Variants in KSR2 observed in about 807,000 individuals in gnomAD.
KSR2 encodes kinase suppressor of ras 2.
Under a neutral mutation model 107.8 loss-of-function variants are expected in KSR2, and 25 were observed. The ratio of observed to expected loss-of-function variants is 0.23; its 90% CI spans 0.17 to 0.32. The LOEUF is 0.32. KSR2 is among the 10% of genes least tolerant of loss of function. The pLI is 1.00. For missense variants in KSR2, 887 were observed against 1,268.9 expected, an observed-to-expected ratio of 0.70 and a Z score of 4.57; for synonymous variants, 480 against 507.0, an observed-to-expected ratio of 0.95 and a Z score of 0.71.
intron 17 of KSR2, among the ~76,000 whole-genome samples, chr12:117,476,251 G>T (rs1427991313): frequency 6.6e-6 from 1 of 152,162 alleles, no homozygotes; most frequent in African/African-American, 2.4e-5. Context: ...ACTTGTTAAG[G>T]CCACATAATC....
chr12:117,546,795 T>C (rs1565894339), intron 9 of KSR2, among the ~76,000 whole-genome samples: 3 of 152,240 alleles, frequency 2.0e-5, no homozygotes, highest in Non-Finnish European at 4.4e-5. Context: ...TATTTTCTAA[T>C]TGTATGTTCT....
At chr12:117,789,104 G>C (rs1890174492) in intron 3 of KSR2, among the ~76,000 whole-genome samples, 1 of 152,176 alleles carries the variant, frequency 6.6e-6, no homozygotes, top group Non-Finnish European at 1.5e-5. Context: ...TCTAGACTTG[G>C]AGATTAAGAA....
At chr12:117,478,797 A>G (rs1183884675) in intron 16 of KSR2, among the ~76,000 whole-genome samples, 1 of 152,192 alleles carries the variant, frequency 6.6e-6, no homozygotes, top group South Asian at 2.1e-4. Context: ...ACATAGCCAC[A>G]TCTGGCTAGT....
intron 4 of KSR2, among the ~76,000 whole-genome samples, chr12:117,709,506 C>T (rs567485304): frequency 3.9e-5 from 6 of 152,014 alleles, no homozygotes; most frequent in Non-Finnish European, 8.8e-5. Flanking sequence ...TTACTTTTTG[C>T]AGAGACAGGG....
chr12:117,760,136 C>T (rs193001811), intron 4 of KSR2, among the ~76,000 whole-genome samples: 5 of 152,276 alleles, frequency 3.3e-5, no homozygotes, highest in African/African-American at 4.8e-5. Context: ...CCTTTTTAAG[C>T]CTGAATAATA....
intron 3 of KSR2, among the ~76,000 whole-genome samples, chr12:117,793,015 C>T (rs192499625): frequency 1.4e-5 from 2 of 139,358 alleles, no homozygotes; most frequent in Non-Finnish European, 1.5e-5. Context: ...ACCAACAGTA[C>T]GCACTCTCAC....
intron 5 of KSR2, among the ~76,000 whole-genome samples, chr12:117,639,541 G>A (rs1000776815): frequency 2.7e-5 from 4 of 150,696 alleles, no homozygotes; most frequent in Admixed American, 2.6e-4. Context: ...TGTTGGCAAA[G>A]TTGGTCTCAA....
rs532920237 is a variant in KSR2, at chr12:117,644,679, G to A, written c.1171+22795C>T. Among the ~76,000 whole-genome samples the A allele has an allele frequency of 1.6e-4, 25 of 152,182 alleles. No individual in the cohort carries two copies. In the South Asian group the frequency reaches 5.2e-3, roughly 32 times the overall value. On this transcript the variant is annotated intron_variant, in intron 5 of 19. Coordinates refer to ENST00000339824, the MANE Select transcript of KSR2 (RefSeq NM_173598.6). ...AGCAGAAAGCCCATGGTGAAAGTGG[G>A]GAAAAGAGGGATTCCTGACACTCTC...
chr12:117,593,968 C>T (rs930719385), intron 5 of KSR2, among the ~76,000 whole-genome samples: 1 of 152,182 alleles, frequency 6.6e-6, no homozygotes, highest in Non-Finnish European at 1.5e-5. Context: ...AGAGCGTGTC[C>T]ACAGCACTTG....
chr12:117,485,743 G>A, intron 14 of KSR2, 52 bp from the exon 15 acceptor site: 1 of 1,252,494 alleles, frequency 8.0e-7, no homozygotes, highest in Non-Finnish European at 1.2e-6. Flanking sequence ...AGAAGAAGGT[G>A]ACCCACAACA....
chr12:117,792,935 T>C (rs978370877), intron 3 of KSR2, among the ~76,000 whole-genome samples: 3 of 144,758 alleles, frequency 2.1e-5, no homozygotes, highest in Admixed American at 6.9e-5. Flanking sequence ...CACACCAACA[T>C]GCACACACGC....
intron 3 of KSR2, among the ~76,000 whole-genome samples, chr12:117,801,765 G>T (rs1890839856): frequency 6.6e-6 from 1 of 152,072 alleles, no homozygotes; most frequent in Non-Finnish European, 1.5e-5. Context: ...CATGAGATTT[G>T]GGCAGGGACA....
At chr12:117,774,538 G>T (rs1490007282) in intron 3 of KSR2, among the ~76,000 whole-genome samples, 1 of 152,164 alleles carries the variant, frequency 6.6e-6, no homozygotes, top group Non-Finnish European at 1.5e-5. Context: ...ACCCCGTAAT[G>T]CCTCCCACGT....
chr12:117,832,458 C>T (rs1892013001), intron 3 of KSR2, among the ~76,000 whole-genome samples: 1 of 152,226 alleles, frequency 6.6e-6, no homozygotes, highest in African/African-American at 2.4e-5. Flanking sequence ...TAGCAATTGA[C>T]ATTTGTTGAG....
At chr12:117,561,436 G>GTAGCAAT (rs1294301067) in intron 7 of KSR2, among the ~76,000 whole-genome samples, 1 of 152,206 alleles carries the variant, frequency 6.6e-6, no homozygotes, top group Non-Finnish European at 1.5e-5. Flanking sequence ...GCCCTAAGAA[G>GTAGCAAT]TAGCAATTAT....
chr12:117,710,797 C>T (rs1487026282), intron 4 of KSR2, among the ~76,000 whole-genome samples: 7 of 152,034 alleles, frequency 4.6e-5, no homozygotes, highest in African/African-American at 9.7e-5. Flanking sequence ...TGCTCTGCCC[C>T]CTTCATAATT....
At chr12:117,796,696 G>A (rs4766875) in intron 3 of KSR2, among the ~76,000 whole-genome samples, 82,141 of 151,882 alleles carry the variant, frequency 0.54, 22,988 homozygotes, top group East Asian at 0.76. Context: ...GATGATAAAC[G>A]TGCCAGGAAG....
chr12:117,581,477 G>C (rs1039904598), intron 6 of KSR2, among the ~76,000 whole-genome samples: 3 of 152,168 alleles, frequency 2.0e-5, no homozygotes, highest in African/African-American at 7.2e-5. Context: ...ACTCAGCAGG[G>C]TGTCAAAAGA....
At chr12:117,922,231 C>T (rs1895367074) in intron 1 of KSR2, among the ~76,000 whole-genome samples, 1 of 152,174 alleles carries the variant, frequency 6.6e-6, no homozygotes. Flanking sequence ...AAATTTTCAT[C>T]AGCCAATCTA....
Sources: allele counts gnomAD v4.1 joint callset (sites outside exome capture counted in the v4.1 genomes callset), GRCh38; gene constraint gnomAD v4.1.1; transcripts MANE v1.5; gene names NCBI Gene and HGNC (gene_info 2026-07-23, HGNC 2026-07-21).